SBF2: variants seen among roughly 807,000 people sequenced by gnomAD.
SBF2 encodes myotubularin-related protein 13.
Under a neutral mutation model 225.2 loss-of-function variants are expected in SBF2, and 112 were observed. The ratio of observed to expected loss-of-function variants is 0.50; its 90% CI spans 0.43 to 0.58. The LOEUF (loss-of-function observed/expected upper bound fraction) is 0.58. Ranked by LOEUF, SBF2 falls within the 20% of genes least tolerant of loss-of-function variation. The pLI, the probability that SBF2 is intolerant of heterozygous loss-of-function variation, is 0.00. For missense variants in SBF2, 1,996 were observed against 2,206.2 expected, an observed-to-expected ratio of 0.90 and a Z score of 1.91; for synonymous variants, 763 against 773.3, an observed-to-expected ratio of 0.99 and a Z score of 0.22.
At chr11:10,254,073 G>C (rs1960623391) in intron 1 of SBF2, among the ~76,000 whole-genome samples, 1 of 152,170 alleles carries the variant, frequency 6.6e-6, no homozygotes, top group Non-Finnish European at 1.5e-5. Flanking sequence ...ATGGAAAACA[G>C]TACGGAGGTT....
At chr11:9,998,422 T>C (rs765900707) in intron 8 of SBF2, 43 bp from the exon 9 acceptor site, 1 of 1,083,964 alleles carries the variant, frequency 9.2e-7, no homozygotes, top group Non-Finnish European at 1.4e-6. Context: ...CCAAAATACA[T>C]TTGTTGTTAA....
At chr11:10,180,156 T>C (rs1319310404) in intron 2 of SBF2, among the ~76,000 whole-genome samples, 1 of 152,174 alleles carries the variant, frequency 6.6e-6, no homozygotes, top group Non-Finnish European at 1.5e-5. Flanking sequence ...GTTACAGTGT[T>C]ATAAGTATTG....
At chr11:10,129,103 T>C (rs79822946) in intron 2 of SBF2, among the ~76,000 whole-genome samples, 316 of 121,162 alleles carry the variant, frequency 2.6e-3, no homozygotes, top group East Asian at 3.8e-3. Context: ...TTTCTCTCTT[T>C]TTTTTTTTTT....
intron 2 of SBF2, among the ~76,000 whole-genome samples, chr11:10,067,895 TA>T (rs907238385): frequency 2.2e-4 from 34 of 151,640 alleles, no homozygotes; most frequent in Non-Finnish European, 2.9e-5. Context: ...CTCCCCCGAA[TA>T]AAAAAAAGAA....
intron 2 of SBF2, among the ~76,000 whole-genome samples, chr11:10,172,575 A>G (rs1956243095): frequency 6.6e-6 from 1 of 151,962 alleles, no homozygotes; most frequent in Non-Finnish European, 1.5e-5. Context: ...CTGGTCTCAA[A>G]CTCCTGACCT....
chr11:10,041,969 T>C (rs1157714030), intron 3 of SBF2, among the ~76,000 whole-genome samples: 1 of 132,028 alleles, frequency 7.6e-6, no homozygotes, highest in East Asian at 2.2e-4. Flanking sequence ...CAAAATGGGC[T>C]CTGTATACAA....
chr11:9,905,505 T>G (rs1468476182), intron 16 of SBF2, among the ~76,000 whole-genome samples: 2 of 152,236 alleles, frequency 1.3e-5, no homozygotes, highest in African/African-American at 4.8e-5. Context: ...AGGCATGCTG[T>G]AGCTAATGAA....
At chr11:10,281,630 T>C (rs16907635) in intron 1 of SBF2, among the ~76,000 whole-genome samples, 10,207 of 152,202 alleles carry the variant, frequency 0.067, 518 homozygotes, top group East Asian at 0.28. Context: ...TCCCCAAAGC[T>C]TGGTTCTCGG....
At chr11:10,039,467 A>G (rs1300339235) in intron 3 of SBF2, among the ~76,000 whole-genome samples, 1 of 151,906 alleles carries the variant, frequency 6.6e-6, no homozygotes, top group East Asian at 1.9e-4. Flanking sequence ...CCTAAGTACA[A>G]TTATATAGAA....
intron 1 of SBF2, among the ~76,000 whole-genome samples, chr11:10,279,870 C>T (rs1416636304): frequency 2.0e-5 from 3 of 151,984 alleles, no homozygotes; most frequent in East Asian, 1.9e-4. Context: ...AGGCTGGTCT[C>T]GAACTTCTGA....
chr11:10,294,046 G>T lies in SBF2; in HGVS notation c.24C>A (p.Phe8Leu). ...TCTCGTGGTCATAGCCTACCACGAT[G>T]AAGTAGTCAGCCAGCCGGGCCATGG... The part of the protein sequence containing the change: MARLADY[F>L]IVVGYDHEKP... The change falls in exon 1 of 40, where the codon TTC (phenylalanine) becomes TTA (leucine). Residue 8 changes from phenylalanine (F) to leucine (L), a missense_variant. By Grantham distance (22) the Phe-to-Leu change is conservative (BLOSUM62 0). Transcript: ENST00000256190. 3.6e-6 allele frequency: 5 copies of T among 1,402,914 alleles called. No individual in the cohort carries two copies. The highest frequency in any genetic ancestry group is 4.7e-6 in the Non-Finnish European group (5 of 1,072,278). 86.9% of individuals were successfully genotyped at this position (1,402,914 alleles called of 1,614,324 possible). A position where few individuals can be genotyped will look rare whatever the true frequency, so the allele number is the denominator to read the frequency against.
intron 2 of SBF2, among the ~76,000 whole-genome samples, chr11:10,133,505 A>G (rs181262678): frequency 0.048 from 6,469 of 135,416 alleles, 925 homozygotes; most frequent in Middle Eastern, 0.13. Flanking sequence ...GTGGGCCAGC[A>G]CTGCTGGGGG....
intron 16 of SBF2, among the ~76,000 whole-genome samples, chr11:9,907,424 T>G (rs777979126): frequency 6.6e-6 from 1 of 152,242 alleles, no homozygotes; most frequent in Non-Finnish European, 1.5e-5. Context: ...GTCATTTACA[T>G]GCTTTCTCCT....
At chr11:10,003,135 A>C (rs576194706) in intron 6 of SBF2, among the ~76,000 whole-genome samples, 1 of 152,202 alleles carries the variant, frequency 6.6e-6, no homozygotes. Flanking sequence ...CAGCATACAC[A>C]AATGCTCCGC....
At chr11:10,161,184 CAA>C (rs56779207) in intron 2 of SBF2, among the ~76,000 whole-genome samples, 1,984 of 75,366 alleles carry the variant, frequency 0.026, 26 homozygotes, top group African/African-American at 0.077. Flanking sequence ...GACTCTGTCT[CAA>C]AAAAAAAAAA....
intron 2 of SBF2, among the ~76,000 whole-genome samples, chr11:10,144,056 T>C (rs1954776683): frequency 6.6e-6 from 1 of 152,190 alleles, no homozygotes; most frequent in Non-Finnish European, 1.5e-5. Context: ...GAGATATGTA[T>C]CCCCACTGAA....
chr11:10,036,083 A>T (rs979797111), intron 3 of SBF2, among the ~76,000 whole-genome samples: 5 of 152,210 alleles, frequency 3.3e-5, no homozygotes, highest in Admixed American at 6.5e-5. Flanking sequence ...ATGCAGCCAT[A>T]AAAAAGGATG....
chr11:9,942,012 C>A (rs114621216), intron 16 of SBF2, among the ~76,000 whole-genome samples: 1 of 152,120 alleles, frequency 6.6e-6, no homozygotes, highest in East Asian at 1.9e-4. Context: ...GTAACAACAA[C>A]AAAACAGGGC....
At chr11:9,976,496 G>T (rs1399900881) in intron 13 of SBF2, among the ~76,000 whole-genome samples, 5 of 151,964 alleles carry the variant, frequency 3.3e-5, no homozygotes, top group African/African-American at 9.7e-5. Flanking sequence ...ACTTGGGAGC[G>T]TGAGGTGGGA....
Sources: allele counts gnomAD v4.1 joint callset (sites outside exome capture counted in the v4.1 genomes callset), GRCh38; gene constraint gnomAD v4.1.1; transcripts MANE v1.5; gene names NCBI Gene and HGNC (gene_info 2026-07-23, HGNC 2026-07-21).